The following RNF144B variants were observed in gnomAD, a reference collection of about 807,000 sequenced individuals.
The protein encoded by RNF144B is E3 ubiquitin-protein ligase RNF144B.
In RNF144B, 25 loss-of-function variants were observed where a neutral mutation model predicts 40.2. The ratio of observed to expected loss-of-function variants is 0.62; its 90% CI spans 0.45 to 0.87. The LOEUF (loss-of-function observed/expected upper bound fraction) is 0.87, where lower values mean the gene tolerates loss of function less well. Among genes scored for constraint, RNF144B ranks in the 40% least tolerant of loss-of-function variants. The pLI, the probability that RNF144B is intolerant of heterozygous loss-of-function variation, is 0.00. For missense variants in RNF144B, 365 were observed against 373.7 expected (o/e 0.98, Z 0.19); for synonymous variants, 145 against 136.3 (o/e 1.06, Z -0.44).
chr6:18,403,143 T>C (rs1794825331), intron 2 of RNF144B, among the ~76,000 whole-genome samples: 1 of 152,262 alleles, frequency 6.6e-6, no homozygotes, highest in Non-Finnish European at 1.5e-5. Context: ...AACCCAAATA[T>C]GAAAATTCTA....
intron 4 of RNF144B, among the ~76,000 whole-genome samples, chr6:18,445,630 A>T: frequency 6.6e-6 from 1 of 152,148 alleles, no homozygotes; most frequent in African/African-American, 2.4e-5. Flanking sequence ...CCACTTCTAA[A>T]TCATGTATAG....
chr6:18,409,715 C>T lies in RNF144B; in HGVS notation c.165+10016C>T, dbSNP rs1794996445. Among the ~76,000 whole-genome samples the T allele has an allele frequency of 2.6e-5, 4 of 151,978 alleles. No homozygotes were observed. In the South Asian group the frequency reaches 8.3e-4, roughly 32 times the overall value. ...CCTCCTGAGTAGCTGGGATTACAGG[C>T]AGGTGCCATCATGCTGGCTAATTTT... On this transcript the variant is annotated intron_variant, in intron 2 of 7. Coordinates refer to ENST00000259939, the MANE Select transcript of RNF144B (RefSeq NM_182757.4).
intron 2 of RNF144B, among the ~76,000 whole-genome samples, chr6:18,407,169 C>T (rs1177791107): frequency 2.6e-5 from 4 of 152,018 alleles, no homozygotes; most frequent in Non-Finnish European, 5.9e-5. Context: ...CACACATGCC[C>T]AGAAATGAGG....
chr6:18,459,764 T>G lies in RNF144B; in HGVS notation c.681+13T>G, dbSNP rs1355474995. 2 of 1,612,900 alleles carry G rather than the reference T, an allele frequency of 1.2e-6. No homozygotes were observed. Among genetic ancestry groups the G allele is most frequent in the African/African-American group, 2.7e-5 (2 of 74,922 alleles). ...CCAGAACTTGGATGTAAGTTCCACC[T>G]AGGTTTGTTGTATGGTGTTTCCTAT... On this transcript the variant is annotated intron_variant, in intron 6 of 7. Transcript: ENST00000259939. The surrounding 1 kb of genome is among the most constrained non-coding windows in gnomAD (Gnocchi z 4.2).
chr6:18,457,330 T>A lies in RNF144B; in HGVS notation c.507T>A (p.Ser169Arg). Residue 169 changes from serine to arginine, a missense_variant, in exon 5 of 8, where the codon AGT (serine) becomes AGA (arginine). Transcript: ENST00000259939. This position sits in a 1 kb window ranked among gnomAD's most constrained non-coding sequence, Gnocchi z 5.1. ...AWHAEVSCRD[S>R]QPIVLPTEHR... ...ATGCAGAGGTCTCCTGTAGAGACAG[T>A]CAGCCTATTGTCCTGCCAACAGAGC... is the stretch of plus-strand genomic sequence containing the variant. 6.2e-7 allele frequency: 1 copy of A among 1,614,116 alleles called. No homozygotes were observed. The highest frequency in any genetic ancestry group is 8.5e-7 in the Non-Finnish European group (1 of 1,179,950).
At chr6:18,439,657 C>G (rs766546023) in intron 3 of RNF144B, 27 bp from the exon 4 acceptor site, 1 of 1,579,136 alleles carries the variant, frequency 6.3e-7, no homozygotes, top group South Asian at 1.1e-5. Context: ...TGACTGAAGT[C>G]TCAACCTTTT....
rs577122500 is a variant in RNF144B, at chr6:18,448,718, C to A, written c.332-8437C>A. Among the ~76,000 whole-genome samples the A allele has an allele frequency of 5.0e-5, 6 of 118,890 alleles. No homozygotes were observed. Among genetic ancestry groups the A allele is most frequent in the South Asian group, 5.2e-4 (2 of 3,816 alleles). The allele number at this position is 118,890 out of a possible 152,430, so 78.0% of individuals were successfully genotyped here. ...CACACACACACACACACACACACAC[C>A]CCACCCCCAAGATAGAACCAGCAAA... On this transcript the variant is annotated intron_variant, in intron 4 of 7. Transcript: ENST00000259939. This position sits in a 1 kb window ranked among gnomAD's most constrained non-coding sequence, Gnocchi z 4.0.
chr6:18,421,520 A>G (rs1379566069), intron 2 of RNF144B, among the ~76,000 whole-genome samples: 5 of 152,014 alleles, frequency 3.3e-5, no homozygotes, highest in Non-Finnish European at 7.4e-5. Context: ...CACTGGGCCC[A>G]GATTCTTCTC....
At chr6:18,407,239 A>G (rs1342234285) in intron 2 of RNF144B, among the ~76,000 whole-genome samples, 1 of 152,174 alleles carries the variant, frequency 6.6e-6, no homozygotes, top group Non-Finnish European at 1.5e-5. Context: ...TGCATAGAGA[A>G]TAAACTACAG....
Position 18,448,612 on chromosome 6 carries a change from T to C in RNF144B, c.332-8543T>C, listed in dbSNP as rs966020912. Among the ~76,000 whole-genome samples the C allele has an allele frequency of 6.6e-6, 1 of 152,056 alleles. No homozygotes were observed. Among genetic ancestry groups the C allele is most frequent in the African/African-American group, 2.4e-5 (1 of 41,380 alleles). On this transcript the variant is annotated intron_variant, in intron 4 of 7. Coordinates refer to ENST00000259939, the MANE Select transcript of RNF144B (RefSeq NM_182757.4). The surrounding 1 kb of genome is among the most constrained non-coding windows in gnomAD (Gnocchi z 4.0). Reference sequence around the variant, plus strand: ...GCAGATATTTATAGAGCACCAACTTTGTGTAAGTCACTGTTTTTCAAAGTA... The same window carrying C: ...GCAGATATTTATAGAGCACCAACTTCGTGTAAGTCACTGTTTTTCAAAGTA...
Position 18,464,834 on chromosome 6 carries a change from C to T in RNF144B, c.772-93C>T. ...CATATGAGCTTCAGGGGGACACAAA[C>T]ATTTGGCCCACAGCAGATAACAGTA... On this transcript the variant is annotated intron_variant, in intron 7 of 7. Coordinates refer to ENST00000259939, the MANE Select transcript of RNF144B (RefSeq NM_182757.4). This position sits in a 1 kb window ranked among gnomAD's most constrained non-coding sequence, Gnocchi z 6.1. 1 of 1,246,746 alleles carries T rather than the reference C, an allele frequency of 8.0e-7. No individual in the cohort carries two copies. The highest frequency in any genetic ancestry group is 1.1e-6 in the Non-Finnish European group (1 of 873,438). The allele number at this position is 1,246,746 out of a possible 1,614,324, so 77.2% of individuals were successfully genotyped here.
At chr6:18,426,603 C>G (rs113375641) in intron 2 of RNF144B, among the ~76,000 whole-genome samples, 1 of 152,100 alleles carries the variant, frequency 6.6e-6, no homozygotes, top group African/African-American at 2.4e-5. Context: ...GGTGTTCTCC[C>G]TCTTCTCTCT....
chr6:18,407,153 C>T (rs2113470887), intron 2 of RNF144B, among the ~76,000 whole-genome samples: 1 of 152,184 alleles, frequency 6.6e-6, no homozygotes, highest in African/African-American at 2.4e-5. Context: ...TATCCAGAAA[C>T]ACACACACAC....
chr6:18,440,663 G>GA (rs67885072), intron 4 of RNF144B, among the ~76,000 whole-genome samples: 19 of 151,208 alleles, frequency 1.3e-4, no homozygotes, highest in African/African-American at 2.9e-4. Flanking sequence ...CAGGAAAAAA[G>GA]AAAAAAAACG....
chr6:18,436,890 A>G (rs977249560), intron 3 of RNF144B, among the ~76,000 whole-genome samples: 1 of 88,582 alleles, frequency 1.1e-5, no homozygotes, highest in Non-Finnish European at 2.2e-5. Flanking sequence ...AACCTTTTGT[A>G]TCATTTGTTG....
Position 18,458,422 on chromosome 6 carries a change from G to T in RNF144B, c.536+1063G>T, listed in dbSNP as rs1387443162. 6.6e-6 allele frequency among the ~76,000 whole-genome samples: 1 copy of T among 152,108 alleles called. No individual in the cohort carries two copies. Among genetic ancestry groups the T allele is most frequent in the Non-Finnish European group, 1.5e-5 (1 of 68,018 alleles). Reference sequence around the variant, plus strand: ...AGAACCAGGCTTCATGAATAGTAATGCTACTTGGCTACGATGCTGTGCTTG... The same window carrying T: ...AGAACCAGGCTTCATGAATAGTAATTCTACTTGGCTACGATGCTGTGCTTG... On this transcript the variant is annotated intron_variant, in intron 5 of 7. Coordinates refer to ENST00000259939, the MANE Select transcript of RNF144B (RefSeq NM_182757.4). This position sits in a 1 kb window ranked among gnomAD's most constrained non-coding sequence, Gnocchi z 4.8.
intron 1 of RNF144B, among the ~76,000 whole-genome samples, chr6:18,390,875 T>C (rs1202531770): frequency 6.6e-6 from 1 of 152,226 alleles, no homozygotes; most frequent in African/African-American, 2.4e-5. Flanking sequence ...AATTTGTTCT[T>C]TGTGTGTTGA....
At chr6:18,462,142 C>G (rs901893322) in intron 6 of RNF144B, among the ~76,000 whole-genome samples, 20 of 152,076 alleles carry the variant, frequency 1.3e-4, no homozygotes, top group African/African-American at 4.8e-4. Context: ...CCTTACTACC[C>G]CTCTATTTAT....
Position 18,459,972 on chromosome 6 carries a change from T to A in RNF144B, c.681+221T>A, listed in dbSNP as rs531481. Among the ~76,000 whole-genome samples, 32,975 of 152,186 alleles carry A rather than the reference T, an allele frequency of 0.22. 3,589 individuals carry two copies. Among genetic ancestry groups the A allele is most frequent in the East Asian group, 0.26 (1,333 of 5,182 alleles). ...CCCTGGTGTTAAAGGCAAGCTTTTG[T>A]TTTCAGGGCATTTCTTGCTATTTGC... On this transcript the variant is annotated intron_variant, in intron 6 of 7. Coordinates refer to ENST00000259939, the MANE Select transcript of RNF144B (RefSeq NM_182757.4). The surrounding 1 kb of genome is among the most constrained non-coding windows in gnomAD (Gnocchi z 4.2).
Sources: allele counts gnomAD v4.1 joint callset (sites outside exome capture counted in the v4.1 genomes callset), GRCh38; gene constraint gnomAD v4.1.1; non-coding constraint Gnocchi (gnomAD v3.1); transcripts MANE v1.5; gene names NCBI Gene and HGNC (gene_info 2026-07-23, HGNC 2026-07-21).